The following KDM4C variants were observed in gnomAD, a reference collection of about 807,000 sequenced individuals.
KDM4C encodes lysine-specific demethylase 4C.
KDM4C carries 81 observed loss-of-function variants against 129.3 expected under a neutral mutation model. That is an observed-to-expected ratio of 0.63 (90% CI 0.52 to 0.75). The LOEUF (loss-of-function observed/expected upper bound fraction) is 0.75, where lower values mean the gene tolerates loss of function less well. Ranked by LOEUF, KDM4C falls within the 30% of genes least tolerant of loss-of-function variation. The pLI is 0.00. For missense variants in KDM4C, 1,457 were observed against 1,304.0 expected, an observed-to-expected ratio of 1.12 and a Z score of -1.81; for synonymous variants, 573 against 456.1, an observed-to-expected ratio of 1.26 and a Z score of -3.26.
At chr9:6,791,590 C>T (rs183549539) in intron 1 of KDM4C, among the ~76,000 whole-genome samples, 1 of 152,336 alleles carries the variant, frequency 6.6e-6, no homozygotes, top group East Asian at 1.9e-4. Context: ...TCTGTAAGCA[C>T]ACCTGAGTAA....
chr9:7,163,012 G>C lies in KDM4C; in HGVS notation c.2782-2226G>C, dbSNP rs540990395. On this transcript the variant is annotated intron_variant, in intron 19 of 21. Transcript: ENST00000381309. ...GTTGGCAAACAGGTTTCAAATACTG[G>C]ACCCTGGAATTAGACAGGCTTACCT... is the stretch of plus-strand genomic sequence containing the variant. Among the ~76,000 whole-genome samples, 5 of 152,232 alleles carry C rather than the reference G, an allele frequency of 3.3e-5. No individual in the cohort carries two copies. In the East Asian group the frequency reaches 9.7e-4, roughly 30 times the overall value.
intron 3 of KDM4C, among the ~76,000 whole-genome samples, chr9:6,808,257 GA>G (rs1197177111): frequency 1.4e-5 from 1 of 71,944 alleles, no homozygotes; most frequent in Admixed American, 1.3e-4. Flanking sequence ...AGAAAGGCGG[GA>G]AAGGTGGGGA....
chr9:7,102,922 C>A (rs933272885), intron 17 of KDM4C, among the ~76,000 whole-genome samples: 1 of 152,194 alleles, frequency 6.6e-6, no homozygotes, highest in Non-Finnish European at 1.5e-5. Flanking sequence ...TTTTCTCTAT[C>A]TCTCATAACA....
At chr9:7,045,638 C>G (rs1829282040) in intron 15 of KDM4C, among the ~76,000 whole-genome samples, 1 of 151,944 alleles carries the variant, frequency 6.6e-6, no homozygotes, top group Non-Finnish European at 1.5e-5. Flanking sequence ...TTGTTAACTC[C>G]TTGAGCTGGG....
At chr9:6,902,950 G>A (rs1267586406) in intron 8 of KDM4C, among the ~76,000 whole-genome samples, 1 of 152,142 alleles carries the variant, frequency 6.6e-6, no homozygotes, top group Non-Finnish European at 1.5e-5. Flanking sequence ...GAAACACAGT[G>A]TAGCTCTTGT....
At chr9:6,732,182 C>G (rs546611666) in intron 1 of KDM4C, among the ~76,000 whole-genome samples, 4 of 150,668 alleles carry the variant, frequency 2.7e-5, no homozygotes, top group African/African-American at 4.9e-5. Context: ...CTGGCTAACA[C>G]AGTGAAACCC....
chr9:7,079,645 C>T (rs1834307805), intron 17 of KDM4C, among the ~76,000 whole-genome samples: 1 of 152,178 alleles, frequency 6.6e-6, no homozygotes, highest in African/African-American at 2.4e-5. Flanking sequence ...GAACAAACTA[C>T]CCTTTACCTC....
At chr9:6,740,237 T>C (rs1263559351) in intron 1 of KDM4C, among the ~76,000 whole-genome samples, 1 of 151,124 alleles carries the variant, frequency 6.6e-6, no homozygotes, top group African/African-American at 2.4e-5. Flanking sequence ...AGAGTCTTGC[T>C]CTGTTGCCCA....
intron 4 of KDM4C, among the ~76,000 whole-genome samples, chr9:6,816,458 T>A (rs1358980121): frequency 6.6e-6 from 1 of 152,222 alleles, no homozygotes; most frequent in Non-Finnish European, 1.5e-5. Flanking sequence ...AATCATTTTC[T>A]TCTTTTGTTT....
intron 14 of KDM4C, among the ~76,000 whole-genome samples, chr9:7,015,420 A>T (rs112094806): frequency 0.015 from 2,354 of 152,096 alleles, 64 homozygotes; most frequent in African/African-American, 0.054. Context: ...TTCATTGCTA[A>T]CTCTGAATTT....
intron 18 of KDM4C, among the ~76,000 whole-genome samples, chr9:7,116,072 G>C (rs929329869): frequency 1.3e-5 from 2 of 152,198 alleles, no homozygotes; most frequent in Non-Finnish European, 2.9e-5. Context: ...CTTCTGAAAT[G>C]ATGTTCTGAA....
chr9:6,920,565 A>T (rs1036045305), intron 8 of KDM4C, among the ~76,000 whole-genome samples: 9 of 152,152 alleles, frequency 5.9e-5, no homozygotes, highest in African/African-American at 2.2e-4. Flanking sequence ...AAAAAAAATT[A>T]ATTAATCAAT....
chr9:6,929,539 G>T (rs1385529393), intron 8 of KDM4C, among the ~76,000 whole-genome samples: 1 of 150,128 alleles, frequency 6.7e-6, no homozygotes, highest in African/African-American at 2.5e-5. Context: ...ATAAAATAAG[G>T]TAGAAATTGT....
At position 6,888,039 on chromosome 9, in the gene KDM4C, G is replaced by A; in HGVS notation, c.759G>A (p.Lys253=). The change falls in exon 7 of 22, where the codon AAG becomes AAA. Residue 253 remains lysine (K), a synonymous_variant. Transcript: ENST00000381309. The part of the protein sequence containing the change: ...KMTLISPSVL[K]KYGIPFDKIT... ...CATTGATTTCTCCATCAGTATTGAA[G>A]AAATATGGTATTCCCTTTGACAAGG... The A allele has an allele frequency of 6.3e-7, 1 of 1,589,674 alleles. No individual in the cohort carries two copies. The highest frequency in any genetic ancestry group is 8.6e-7 in the Non-Finnish European group (1 of 1,159,978).
intron 1 of KDM4C, among the ~76,000 whole-genome samples, chr9:6,770,542 C>T (rs1463314406): frequency 2.0e-5 from 3 of 150,670 alleles, no homozygotes; most frequent in Admixed American, 6.6e-5. Context: ...TTGCATATGG[C>T]ATGATAATAC....
intron 8 of KDM4C, among the ~76,000 whole-genome samples, chr9:6,914,285 C>G (rs951486065): frequency 1.3e-5 from 2 of 152,094 alleles, no homozygotes; most frequent in Non-Finnish European, 2.9e-5. Context: ...TCTTGAACTC[C>G]CGACCTCAGG....
chr9:6,888,788 T>A (rs144292564), intron 7 of KDM4C, among the ~76,000 whole-genome samples: 15 of 29,582 alleles, frequency 5.1e-4, no homozygotes, highest in South Asian at 1.1e-3. Flanking sequence ...TGTGTTTTTT[T>A]TTTTTTTTTT....
At chr9:6,786,706 C>T (rs1588255617) in intron 1 of KDM4C, among the ~76,000 whole-genome samples, 1 of 152,042 alleles carries the variant, frequency 6.6e-6, no homozygotes, top group Non-Finnish European at 1.5e-5. Flanking sequence ...TTAATTGTAG[C>T]ATGATTAAGT....
At chr9:6,782,988 G>C (rs367808557) in intron 1 of KDM4C, among the ~76,000 whole-genome samples, 1 of 152,210 alleles carries the variant, frequency 6.6e-6, no homozygotes, top group South Asian at 2.1e-4. Context: ...TCACCACTTA[G>C]AAGTGGAGAG....
Sources: gnomAD v4.1 joint callset for allele counts (sites outside exome capture counted in the v4.1 genomes callset) on GRCh38, gnomAD v4.1.1 for gene constraint, MANE v1.5 for transcripts, NCBI Gene and HGNC (gene_info 2026-07-23, HGNC 2026-07-21) for gene names.